Variants in PGCKA1 observed in about 807,000 individuals in gnomAD.
PGCKA1 encodes the protein PDCD10 and GCKIII kinases associated 1.
At chr4:37,558,162 TAC>T in the PGCKA1 span, 1 of 152,252 alleles carries the variant, frequency 6.6e-6, no homozygotes, top group South Asian at 2.1e-4. Context: ...GGTCTTCTGC[TAC>T]AGTTTTTATT....
At chr4:37,588,646 T>G in the PGCKA1 span, 1 of 532,150 alleles carries the variant, frequency 1.9e-6, no homozygotes. Flanking sequence ...CAGTGAACGT[T>G]TGAGAACTCT....
At chr4:37,546,834 G>A in the PGCKA1 span, among the ~76,000 whole-genome samples, 8 of 152,326 alleles carry the variant, frequency 5.3e-5, no homozygotes, top group East Asian at 3.9e-4. Context: ...CCGGTGGAAC[G>A]CCTCGCCACA....
At chr4:37,580,416 T>C in the PGCKA1 span, among the ~76,000 whole-genome samples, 1 of 151,868 alleles carries the variant, frequency 6.6e-6, no homozygotes, top group African/African-American at 2.4e-5. Context: ...TGTTTGTACC[T>C]GTTCTTGGGA....
chr4:37,469,096 A>G, the PGCKA1 span, among the ~76,000 whole-genome samples: 1 of 152,284 alleles, frequency 6.6e-6, no homozygotes, highest in African/African-American at 2.4e-5. Context: ...ATTCAGTAGT[A>G]TAGTCACATG....
At chr4:37,587,602 T>C in the PGCKA1 span, among the ~76,000 whole-genome samples, 7 of 152,188 alleles carry the variant, frequency 4.6e-5, no homozygotes, top group Non-Finnish European at 1.0e-4. Context: ...CAATGAATGA[T>C]GTCTCTTTCT....
chr4:37,454,159 GATTTGCTTTTGCCCTGAAAAAAAA>G, the PGCKA1 span: 2 of 152,322 alleles, frequency 1.3e-5, no homozygotes, highest in East Asian at 3.9e-4. Flanking sequence ...TTAATTTCTT[GATTTGCTTTTGCCCTGAAAAAAAA>G]AATTAGAGAC....
the PGCKA1 span, among the ~76,000 whole-genome samples, chr4:37,518,675 C>T: frequency 6.6e-6 from 1 of 152,096 alleles, no homozygotes; most frequent in Non-Finnish European, 1.5e-5. Flanking sequence ...TTATGAATCC[C>T]TTGTCAAATG....
At chr4:37,476,173 C>T in the PGCKA1 span, among the ~76,000 whole-genome samples, 1 of 152,058 alleles carries the variant, frequency 6.6e-6, no homozygotes, top group Non-Finnish European at 1.5e-5. Context: ...TGGTCTCGTT[C>T]TTGCAAGTGT....
chr4:37,551,273 G>A, the PGCKA1 span, among the ~76,000 whole-genome samples: 1 of 142,562 alleles, frequency 7.0e-6, no homozygotes, highest in South Asian at 2.2e-4. Context: ...GGGTTTCCCT[G>A]TCTATGCTTC....
At chr4:37,579,966 CT>C in the PGCKA1 span, among the ~76,000 whole-genome samples, 1 of 151,936 alleles carries the variant, frequency 6.6e-6, no homozygotes, top group Non-Finnish European at 1.5e-5. Flanking sequence ...GTTTTTTATT[CT>C]TTTTTTCTTC....
the PGCKA1 span, among the ~76,000 whole-genome samples, chr4:37,564,570 G>A: frequency 0.052 from 7,949 of 151,892 alleles, 225 homozygotes; most frequent in Middle Eastern, 0.085. Flanking sequence ...GCAGTGGCGC[G>A]ATCTTGGCTC....
At chr4:37,586,603 C>T in the PGCKA1 span, among the ~76,000 whole-genome samples, 1 of 152,156 alleles carries the variant, frequency 6.6e-6, no homozygotes, top group South Asian at 2.1e-4. Context: ...TTACTACGAA[C>T]TTAGAGGTTT....
chr4:37,566,024 C>T, the PGCKA1 span, among the ~76,000 whole-genome samples: 4 of 152,160 alleles, frequency 2.6e-5, no homozygotes, highest in African/African-American at 4.8e-5. Context: ...TTTTGGGACT[C>T]GGACTGGCTC....
At chr4:37,471,217 A>G in the PGCKA1 span, among the ~76,000 whole-genome samples, 1 of 152,260 alleles carries the variant, frequency 6.6e-6, no homozygotes, top group Non-Finnish European at 1.5e-5. Flanking sequence ...CTAAACTTGG[A>G]AGTAAAATAC....
At chr4:37,553,026 A>G in the PGCKA1 span, among the ~76,000 whole-genome samples, 1 of 137,144 alleles carries the variant, frequency 7.3e-6, no homozygotes. Context: ...CCTATCTCTC[A>G]TGGCCTCATT....
chr4:37,501,364 T>C, the PGCKA1 span, among the ~76,000 whole-genome samples: 1 of 151,860 alleles, frequency 6.6e-6, no homozygotes, highest in Non-Finnish European at 1.5e-5. Context: ...CTCATAAGAG[T>C]GTGAACCTTA....
At chr4:37,570,066 G>A in the PGCKA1 span, among the ~76,000 whole-genome samples, 1 of 137,096 alleles carries the variant, frequency 7.3e-6, no homozygotes, top group Non-Finnish European at 1.5e-5. Flanking sequence ...TGCAAGCTCC[G>A]CCTCCCAGGT....
At chr4:37,525,704 T>C in the PGCKA1 span, among the ~76,000 whole-genome samples, 88,748 of 152,064 alleles carry the variant, frequency 0.58, 26,405 homozygotes, top group South Asian at 0.68. Flanking sequence ...ACCAGCAGGA[T>C]ACAGGACCAA....
chr4:37,575,568 A>C, the PGCKA1 span, among the ~76,000 whole-genome samples: 1 of 151,694 alleles, frequency 6.6e-6, no homozygotes, highest in Non-Finnish European at 1.5e-5. Context: ...CACTCCGTTG[A>C]TTGTTTTCTT....
Sources: gnomAD v4.1 joint callset for allele counts (sites outside exome capture counted in the v4.1 genomes callset) on GRCh38, gnomAD v4.1.1 for gene constraint, MANE v1.5 for transcripts, NCBI Gene and HGNC (gene_info 2026-07-23, HGNC 2026-07-21) for gene names.